The following GRID2 variants were observed in gnomAD, a reference collection of about 807,000 sequenced individuals.
GRID2 encodes glutamate ionotropic receptor delta type subunit 2.
A neutral mutation model predicts 114.8 loss-of-function variants in GRID2; 33 were observed. That is an observed-to-expected ratio of 0.29 (90% CI 0.22 to 0.38). The LOEUF is 0.38. GRID2 is among the 10% of genes least tolerant of loss of function. The pLI is 1.00. For missense variants in GRID2, 1,184 were observed against 1,257.7 expected (o/e 0.94, Z 0.89); for synonymous variants, 505 against 449.9 (o/e 1.12, Z -1.55).
intron 10 of GRID2, among the ~76,000 whole-genome samples, chr4:93,427,160 A>G (rs899859249): frequency 6.6e-6 from 1 of 152,036 alleles, no homozygotes; most frequent in African/African-American, 2.4e-5. Flanking sequence ...TAACAATTAC[A>G]AATGTTAATT....
chr4:93,038,618 G>A (rs1183368588), intron 2 of GRID2, among the ~76,000 whole-genome samples: 1 of 152,028 alleles, frequency 6.6e-6, no homozygotes, highest in African/African-American at 2.4e-5. Context: ...GTGAAACCCT[G>A]TCTCTACTAA....
chr4:92,315,638 A>G (rs1181084443), intron 1 of GRID2, among the ~76,000 whole-genome samples: 1 of 152,094 alleles, frequency 6.6e-6, no homozygotes, highest in Admixed American at 6.6e-5. Context: ...TTAAAATCCA[A>G]AGACCAGGTA....
chr4:93,391,224 CAT>C (rs1764822783), intron 8 of GRID2, among the ~76,000 whole-genome samples: 1 of 152,160 alleles, frequency 6.6e-6, no homozygotes, highest in Non-Finnish European at 1.5e-5. Flanking sequence ...ACACTGCATT[CAT>C]TCACATGTCA....
intron 14 of GRID2, among the ~76,000 whole-genome samples, chr4:93,661,361 G>GT (rs576169452): frequency 1.1e-3 from 164 of 152,212 alleles, no homozygotes; most frequent in African/African-American, 3.9e-3. Flanking sequence ...TCAGTGTCAT[G>GT]TTTTTTGCAT....
intron 1 of GRID2, among the ~76,000 whole-genome samples, chr4:92,501,522 C>T (rs116325666): frequency 6.6e-6 from 1 of 152,226 alleles, no homozygotes; most frequent in East Asian, 1.9e-4. Flanking sequence ...AAGAGAAATG[C>T]TTACAAGGTA....
chr4:92,711,205 C>A (rs1006074073), intron 2 of GRID2, among the ~76,000 whole-genome samples: 1 of 151,934 alleles, frequency 6.6e-6, no homozygotes, highest in Non-Finnish European at 1.5e-5. Context: ...TGTATTCAGA[C>A]CCTTTAGAGA....
intron 13 of GRID2, among the ~76,000 whole-genome samples, chr4:93,520,817 T>A (rs1470387616): frequency 6.6e-6 from 1 of 152,224 alleles, no homozygotes; most frequent in East Asian, 1.9e-4. Context: ...GTGATTTTAA[T>A]GACCTTAGTT....
chr4:92,937,290 C>T lies in GRID2; in HGVS notation c.245-147705C>T, dbSNP rs190333699. ...AATCCAAGGTCATAGAGATTTTCCG[C>T]ATTCTTTCTTCTAAGAATTTTATAG... On this transcript the variant is annotated intron_variant, in intron 2 of 15. Coordinates refer to ENST00000282020, the MANE Select transcript of GRID2 (RefSeq NM_001510.4). Among the ~76,000 whole-genome samples the T allele has an allele frequency of 3.4e-5, 5 of 146,856 alleles. 1 individual carries two copies. Among genetic ancestry groups the T allele is most frequent in the Non-Finnish European group, 7.5e-5 (5 of 66,272 alleles).
At chr4:92,945,063 T>A (rs1751520695) in intron 2 of GRID2, among the ~76,000 whole-genome samples, 1 of 152,190 alleles carries the variant, frequency 6.6e-6, no homozygotes, top group South Asian at 2.1e-4. Context: ...AAAATATTTC[T>A]GATAACTAAG....
chr4:93,323,528 A>C (rs1179833705), intron 8 of GRID2, among the ~76,000 whole-genome samples: 2 of 152,092 alleles, frequency 1.3e-5, no homozygotes, highest in African/African-American at 4.8e-5. Flanking sequence ...TTGGCTATGC[A>C]GGCCCTTTTT....
At chr4:93,328,390 G>A (rs4692980) in intron 8 of GRID2, among the ~76,000 whole-genome samples, 59,625 of 151,788 alleles carry the variant, frequency 0.39, 11,976 homozygotes, top group East Asian at 0.62. Flanking sequence ...TTTCATCTGG[G>A]ATACTCTTTC....
chr4:93,336,715 G>GA (rs1298040676), intron 8 of GRID2, among the ~76,000 whole-genome samples: 2 of 151,662 alleles, frequency 1.3e-5, no homozygotes, highest in East Asian at 1.9e-4. Flanking sequence ...TATTGTCCAA[G>GA]AAAAAAAGGG....
intron 2 of GRID2, among the ~76,000 whole-genome samples, chr4:92,889,295 G>C (rs533965840): frequency 7.2e-5 from 11 of 152,216 alleles, no homozygotes; most frequent in East Asian, 3.9e-4. Context: ...AGAAATAAAG[G>C]GTATTCAAAT....
At chr4:93,163,298 A>C (rs1479693749) in intron 4 of GRID2, among the ~76,000 whole-genome samples, 1 of 146,952 alleles carries the variant, frequency 6.8e-6, no homozygotes, top group African/African-American at 2.5e-5. Flanking sequence ...AAGAGTGGTT[A>C]TCTCAAGACA....
chr4:93,629,297 T>C (rs187850077), intron 14 of GRID2, among the ~76,000 whole-genome samples: 1 of 152,252 alleles, frequency 6.6e-6, no homozygotes, highest in Admixed American at 6.5e-5. Context: ...GCAGTTTAAA[T>C]TGTTTCTTTC....
At chr4:92,316,645 T>A (rs1056719001) in intron 1 of GRID2, among the ~76,000 whole-genome samples, 24 of 151,974 alleles carry the variant, frequency 1.6e-4, no homozygotes, top group African/African-American at 5.6e-4. Context: ...GAAAATATTA[T>A]AACATTAGGA....
intron 2 of GRID2, among the ~76,000 whole-genome samples, chr4:92,770,541 TA>T (rs1738491272): frequency 6.6e-6 from 1 of 152,120 alleles, no homozygotes; most frequent in South Asian, 2.1e-4. Context: ...GGACAATTCA[TA>T]AAATAAAGAG....
chr4:93,626,339 A>C lies in GRID2; in HGVS notation c.2264A>C (p.Asp755Ala), dbSNP rs775096047. The C allele has an allele frequency of 1.2e-6, 2 of 1,603,660 alleles. No individual in the cohort carries two copies. The highest frequency in any genetic ancestry group is 2.2e-5 in the South Asian group (2 of 90,826). ...GAATATGTGGCTATCAATGACCCAG[A>C]TTGTTCCTTTTACACCATTGGAAAT... ...VLEYVAINDP[D>A]CSFYTIGNTV... Residue 755 changes from aspartate (D) to alanine (A), a missense_variant, in exon 14 of 16, where the codon GAT (aspartate) becomes GCT (alanine). This residue lies in a region of GRID2 where 717 missense variants were observed against 796.9 expected (regional missense o/e 0.90). Coordinates refer to ENST00000282020, the MANE Select transcript of GRID2 (RefSeq NM_001510.4).
At chr4:92,414,738 A>G (rs961010856) in intron 1 of GRID2, among the ~76,000 whole-genome samples, 9 of 152,108 alleles carry the variant, frequency 5.9e-5, no homozygotes, top group African/African-American at 2.2e-4. Flanking sequence ...ATGCTGCATG[A>G]AGGTTTTTTT....
Sources: allele counts gnomAD v4.1 joint callset (sites outside exome capture counted in the v4.1 genomes callset), GRCh38; gene constraint gnomAD v4.1.1; regional missense constraint gnomAD v4.1.1; transcripts MANE v1.5; gene names NCBI Gene and HGNC (gene_info 2026-07-23, HGNC 2026-07-21).